Variants in KCNH5 observed in about 807,000 individuals in gnomAD.
KCNH5 encodes the protein potassium voltage-gated channel subfamily H member 5.
Under a neutral mutation model 96.1 loss-of-function variants are expected in KCNH5, and 46 were observed. The ratio of observed to expected loss-of-function variants is 0.48; its 90% confidence interval spans 0.38 to 0.61. KCNH5 has a LOEUF of 0.61. Among genes scored for constraint, KCNH5 ranks in the 20% least tolerant of loss-of-function variants. The pLI is 0.00. For missense variants in KCNH5, 907 were observed against 1,225.8 expected (o/e 0.74, Z 3.88); for synonymous variants, 439 against 449.8 (o/e 0.98, Z 0.30).
At chr14:62,903,730 C>T (rs1290660360) in intron 7 of KCNH5, among the ~76,000 whole-genome samples, 1 of 152,038 alleles carries the variant, frequency 6.6e-6, no homozygotes, top group Non-Finnish European at 1.5e-5. Flanking sequence ...CTGCATCATT[C>T]ATATGGCCCA....
intron 10 of KCNH5, among the ~76,000 whole-genome samples, chr14:62,767,393 A>G (rs1396968598): frequency 6.6e-6 from 1 of 152,214 alleles, no homozygotes; most frequent in Non-Finnish European, 1.5e-5. Flanking sequence ...CTGCAACACT[A>G]CTCACAATAG....
intron 10 of KCNH5, among the ~76,000 whole-genome samples, chr14:62,778,622 C>T (rs1328758528): frequency 6.6e-6 from 1 of 152,216 alleles, no homozygotes; most frequent in Non-Finnish European, 1.5e-5. Context: ...TTGTGTTTGA[C>T]ATAATATTCA....
At chr14:63,001,608 A>C in intron 3 of KCNH5, 149 bp from the exon 4 acceptor site, 1 of 616,446 alleles carries the variant, frequency 1.6e-6, no homozygotes, top group Non-Finnish European at 2.7e-6. Flanking sequence ...ACTACAAACA[A>C]TCCGTAAACC....
chr14:63,007,345 T>G (rs1891146150), intron 2 of KCNH5, among the ~76,000 whole-genome samples: 1 of 152,150 alleles, frequency 6.6e-6, no homozygotes, highest in African/African-American at 2.4e-5. Flanking sequence ...AGGATGACAA[T>G]TTTCGAGAAG....
rs2139590996 is a variant in KCNH5, at chr14:63,001,233, G to A, written c.433+98C>T. On this transcript the variant is annotated intron_variant, in intron 4 of 10. Transcript: ENST00000322893. ...GAAGCAAAAGAAAGGCCACATAGTA[G>A]AATTTTGTTTTCCAGTTCAATCAGC... 3 of 1,054,650 alleles carry A rather than the reference G, an allele frequency of 2.8e-6. No homozygotes were observed. The East Asian group carries it at 8.1e-5, about 28-fold the overall frequency. The allele number at this position is 1,054,650 out of a possible 1,614,324, so 65.3% of individuals were successfully genotyped here. A position where few individuals can be genotyped will look rare whatever the true frequency, so the allele number is the denominator to read the frequency against.
Position 62,722,924 on chromosome 14 carries a change from T to C in KCNH5, c.2020-14469A>G, listed in dbSNP as rs117073039. On this transcript the variant is annotated intron_variant, in intron 10 of 10. Coordinates refer to ENST00000322893, the MANE Select transcript of KCNH5 (RefSeq NM_139318.5). ...CTGCCAACTCCAGTGTTCCTTCCACTATTTTATATCGACACTGCTAATGCT... is the reference window on the plus strand; with the variant it reads ...CTGCCAACTCCAGTGTTCCTTCCACCATTTTATATCGACACTGCTAATGCT... 4.5e-3 allele frequency among the ~76,000 whole-genome samples: 688 copies of C among 152,344 alleles called. 5 individuals are homozygous for C. The highest frequency in any genetic ancestry group is 0.024 in the Middle Eastern group (7 of 294).
intron 10 of KCNH5, among the ~76,000 whole-genome samples, chr14:62,756,963 G>T (rs1157633625): frequency 1.3e-5 from 2 of 152,016 alleles, no homozygotes; most frequent in East Asian, 1.9e-4. Context: ...ACGTTAAAAA[G>T]CTTCTTCACA....
chr14:62,726,079 A>G (rs1884918531), intron 10 of KCNH5, among the ~76,000 whole-genome samples: 1 of 152,210 alleles, frequency 6.6e-6, no homozygotes, highest in South Asian at 2.1e-4. Flanking sequence ...TAAGTACCGG[A>G]TAAATGGAAC....
intron 7 of KCNH5, among the ~76,000 whole-genome samples, chr14:62,881,333 CT>C (rs376531666): frequency 9.5e-4 from 139 of 145,648 alleles, no homozygotes; most frequent in African/African-American, 1.9e-3. Context: ...TGTCTCACTT[CT>C]TTTTTTTTTT....
intron 10 of KCNH5, among the ~76,000 whole-genome samples, chr14:62,743,056 T>C (rs1221010088): frequency 1.3e-5 from 2 of 152,070 alleles, no homozygotes; most frequent in Non-Finnish European, 2.9e-5. Flanking sequence ...AGAAAATGGC[T>C]CAACTACAAG....
At chr14:62,869,257 T>C (rs1373818150) in intron 7 of KCNH5, among the ~76,000 whole-genome samples, 1 of 152,234 alleles carries the variant, frequency 6.6e-6, no homozygotes, top group Non-Finnish European at 1.5e-5. Context: ...TATCTCATTG[T>C]GGTTTTGATT....
chr14:62,818,117 G>GGGGGGGA (rs1887036400), intron 8 of KCNH5, among the ~76,000 whole-genome samples: 2 of 115,398 alleles, frequency 1.7e-5, no homozygotes, highest in East Asian at 3.1e-4. Context: ...GGCGGGGGGG[G>GGGGGGGA]GGTGGAAGAA....
chr14:62,950,329 C>G lies in KCNH5; in HGVS notation c.1173G>C (p.Gln391His). The G allele has an allele frequency of 6.2e-7, 1 of 1,614,012 alleles. No homozygotes were observed. Among genetic ancestry groups the G allele is most frequent in the Non-Finnish European group, 8.5e-7 (1 of 1,179,942 alleles). The change falls in exon 7 of 11, where the codon CAG becomes CAC. Residue 391 changes from glutamine to histidine, a missense_variant. Gln to His is a conservative substitution (Grantham distance 24). Around this residue, in one of 6 missense-constraint regions of KCNH5, gnomAD observed 370 missense variants for 561.3 expected, o/e 0.66. Coordinates refer to ENST00000322893, the MANE Select transcript of KCNH5 (RefSeq NM_139318.5). The part of the protein sequence containing the change: ...NTIQIDSWLY[Q>H]LALSIGTPYR... ...ATGGAGTCCCAATGCTCAAAGCCAG[C>G]TGGTAGAGCCAACTGTCTATTTGGA...
chr14:62,932,723 T>C (rs1439778394), intron 7 of KCNH5, among the ~76,000 whole-genome samples: 1 of 152,060 alleles, frequency 6.6e-6, no homozygotes, highest in African/African-American at 2.4e-5. Flanking sequence ...AGATTCTAAA[T>C]GTTTCCAGAG....
intron 8 of KCNH5, among the ~76,000 whole-genome samples, chr14:62,812,117 G>A (rs1223810207): frequency 2.6e-5 from 4 of 152,012 alleles, no homozygotes; most frequent in East Asian, 1.9e-4. Context: ...ACGCTCCTTC[G>A]TGAAGCTCAA....
At chr14:62,748,713 C>T (rs772371039) in intron 10 of KCNH5, among the ~76,000 whole-genome samples, 1 of 151,828 alleles carries the variant, frequency 6.6e-6, no homozygotes, top group Admixed American at 6.6e-5. Context: ...AGTCAGAGAG[C>T]GTTGGTATGG....
intron 7 of KCNH5, among the ~76,000 whole-genome samples, chr14:62,890,557 G>A (rs1319960375): frequency 6.6e-6 from 1 of 151,806 alleles, no homozygotes; most frequent in Non-Finnish European, 1.5e-5. Flanking sequence ...AAATTAGCCG[G>A]GCGTGGTGGC....
intron 10 of KCNH5, among the ~76,000 whole-genome samples, chr14:62,747,427 T>C (rs1230406897): frequency 6.6e-6 from 1 of 152,222 alleles, no homozygotes; most frequent in Non-Finnish European, 1.5e-5. Context: ...TTGCCATTTT[T>C]CCCAATGCTT....
Position 62,809,291 on chromosome 14 carries a change from T to C in KCNH5, c.1570-6710A>G, listed in dbSNP as rs370329442. Among the ~76,000 whole-genome samples, 259 of 152,294 alleles carry C rather than the reference T, an allele frequency of 1.7e-3. 1 individual carries two copies. The highest frequency in any genetic ancestry group is 6.0e-3 in the African/African-American group (250 of 41,582). ...GCTTAAGTGCAATAAGAATCTGTTTTATTTTGTAACAGGACACAACTGGAG... is the reference window on the plus strand; with the variant it reads ...GCTTAAGTGCAATAAGAATCTGTTTCATTTTGTAACAGGACACAACTGGAG... On this transcript the variant is annotated intron_variant, in intron 8 of 10. Transcript: ENST00000322893.
Sources: gnomAD v4.1 joint callset for allele counts (sites outside exome capture counted in the v4.1 genomes callset) on GRCh38, gnomAD v4.1.1 for gene constraint, gnomAD v4.1.1 regional missense constraint, MANE v1.5 for transcripts, NCBI Gene and HGNC (gene_info 2026-07-23, HGNC 2026-07-21) for gene names.